Variants in SDF2L1 observed in about 807,000 individuals in gnomAD.
SDF2L1 encodes the protein stromal cell derived factor 2 like 1.
In SDF2L1, 18 loss-of-function variants were observed where a neutral mutation model predicts 19.4. The ratio of observed to expected loss-of-function variants is 0.93; its 90% CI spans 0.64 to 1.38. The LOEUF (loss-of-function observed/expected upper bound fraction) is 1.38. Among genes scored for constraint, SDF2L1 ranks in the 40% most tolerant of loss-of-function variants. The pLI, the probability that SDF2L1 is intolerant of heterozygous loss-of-function variation, is 0.00. For missense variants in SDF2L1, 263 were observed against 319.4 expected (o/e 0.82, Z 1.35); for synonymous variants, 161 against 148.9 (o/e 1.08, Z -0.59).
At position 21,642,518 on chromosome 22, in the gene SDF2L1, G is replaced by T. The variant is rs1294813481; in HGVS notation, c.182G>T (p.Gly61Val). The T allele has an allele frequency of 1.2e-5, 18 of 1,521,484 alleles. No homozygotes were observed. Among genetic ancestry groups the T allele is most frequent in the Non-Finnish European group, 1.5e-5 (17 of 1,139,834 alleles). The allele number at this position is 1,521,484 out of a possible 1,614,324, so 94.2% of individuals were successfully genotyped here. Residue 61 changes from glycine (G) to valine (V), a missense_variant, in exon 1 of 3, where the codon GGA becomes GTA. Gly to Val is a moderately radical substitution (Grantham distance 109, BLOSUM62 -3). This residue lies in a region of SDF2L1 where 203 missense variants were observed against 256.9 expected (regional missense o/e 0.79). Coordinates refer to ENST00000248958, the MANE Select transcript of SDF2L1 (RefSeq NM_022044.3). ...VRLHSHDIKY[G>V]SGSGQQSVTG... is the part of the protein sequence containing the mutation. Reference sequence around the variant, plus strand: ...CTGCACTCGCACGACATCAAATACGGATCCGGTGCGTGGGGCCAGCGACTG... The same window carrying T: ...CTGCACTCGCACGACATCAAATACGTATCCGGTGCGTGGGGCCAGCGACTG...
At position 21,642,316 on chromosome 22, in the gene SDF2L1, G is replaced by A; in HGVS notation, c.-21G>A. On this transcript the variant is annotated 5_prime_UTR_variant, in exon 1 of 3. Coordinates refer to ENST00000248958, the MANE Select transcript of SDF2L1 (RefSeq NM_022044.3). ...ACGGAAGCGGCCCCTGGGCCCGAGG[G>A]GCTGGAGCCGGGCCGGGGCGATGTG... 7.5e-7 allele frequency: 1 copy of A among 1,336,596 alleles called. No individual in the cohort carries two copies. The highest frequency in any genetic ancestry group is 9.5e-7 in the Non-Finnish European group (1 of 1,051,260). The allele number at this position is 1,336,596 out of a possible 1,614,324, so 82.8% of individuals were successfully genotyped here. A position where few individuals can be genotyped will look rare whatever the true frequency, so the allele number is the denominator to read the frequency against.
chr22:21,642,968 G>T lies in SDF2L1; in HGVS notation c.294G>T (p.Val98=). Residue 98 remains valine, a synonymous_variant, in exon 2 of 3, where the codon GTG becomes GTT. Transcript: ENST00000248958. ...SEGGCPRGSP[V]RCGQAVRLTH... ...GCGGGTGCCCGCGCGGGTCCCCGGT[G>T]CGCTGCGGGCAGGCGGTGAGGCTCA... 6.4e-7 allele frequency: 1 copy of T among 1,569,836 alleles called. No individual in the cohort carries two copies. The highest frequency in any genetic ancestry group is 8.6e-7 in the Non-Finnish European group (1 of 1,159,114).
chr22:21,642,841 G>A (rs2066090488), intron 1 of SDF2L1, 21 bp from the exon 2 acceptor site: 1 of 1,581,208 alleles, frequency 6.3e-7, no homozygotes, highest in South Asian at 1.1e-5. Context: ...GACCCTGGGT[G>A]TGTGGGGTGT....
At position 21,644,149 on chromosome 22, in the gene SDF2L1, C is replaced by G. The variant is rs745736110; in HGVS notation, c.640C>G (p.Pro214Ala). ...CATCTTCATCAAGCCTAGTGTGGAG[C>G]CCTCTGCAGGTCACGATGAACTCTG... ...EGIFIKPSVE[P>A]SAGHDEL Residue 214 changes from proline (P) to alanine (A), a missense_variant, in exon 3 of 3, where the codon CCC (proline) becomes GCC (alanine). Physicochemically the swap from Pro to Ala is conservative, Grantham distance 27. Coordinates refer to ENST00000248958, the MANE Select transcript of SDF2L1 (RefSeq NM_022044.3). 6.2e-7 allele frequency: 1 copy of G among 1,614,084 alleles called. No homozygotes were observed. The highest frequency in any genetic ancestry group is 8.5e-7 in the Non-Finnish European group (1 of 1,180,008).
chr22:21,644,007 C>T lies in SDF2L1; in HGVS notation c.498C>T (p.Gly166=). ...CTGCTGTGCGCTTCCAGCATGTGGG[C>T]ACCTCTGTGTTCCTGTCAGTCACGG... ...REAAVRFQHV[G]TSVFLSVTGE... is the part of the protein sequence containing the mutation. The change falls in exon 3 of 3, where the codon GGC becomes GGT. Residue 166 remains glycine, a synonymous_variant. Coordinates refer to ENST00000248958, the MANE Select transcript of SDF2L1 (RefSeq NM_022044.3). The T allele has an allele frequency of 6.2e-7, 1 of 1,614,140 alleles. No individual in the cohort carries two copies. The highest frequency in any genetic ancestry group is 8.5e-7 in the Non-Finnish European group (1 of 1,180,012).
chr22:21,643,952 G>A lies in SDF2L1; in HGVS notation c.443G>A (p.Arg148His), dbSNP rs749416229. 4.0e-5 allele frequency: 65 copies of A among 1,613,956 alleles called. No individual in the cohort carries two copies. Among genetic ancestry groups the A allele is most frequent in the South Asian group, 3.0e-4 (27 of 91,086 alleles). ...GACGACCTGGACCTATGGACAGTGC[G>A]CTGCTCTGGACAGCACTGGGAGCGT... ...EGDDLDLWTV[R>H]CSGQHWEREA... Residue 148 changes from arginine to histidine, a missense_variant, in exon 3 of 3, where the codon CGC (arginine) becomes CAC (histidine). Around this residue, in one of 3 missense-constraint regions of SDF2L1, gnomAD observed 203 missense variants for 256.9 expected, o/e 0.79. Coordinates refer to ENST00000248958, the MANE Select transcript of SDF2L1 (RefSeq NM_022044.3).
chr22:21,642,569 G>T (rs1385203261), intron 1 of SDF2L1, 46 bp downstream of exon 1: 10 of 1,503,680 alleles, frequency 6.7e-6, no homozygotes, highest in Non-Finnish European at 8.8e-6. Flanking sequence ...CCGGGGCTCG[G>T]GGTTGGGAGT....
chr22:21,643,091 C>G lies in SDF2L1; in HGVS notation c.384+33C>G, dbSNP rs753490050. 67 of 1,548,208 alleles carry G rather than the reference C, an allele frequency of 4.3e-5. No individual in the cohort carries two copies. The South Asian group carries it at 6.8e-4, about 16-fold the overall frequency. ...CCTCCCGGAGCCCCCAGAGAGACTC[C>G]TGGCCTGTGTGAGGGGCCAGAGACA... On this transcript the variant is annotated intron_variant, in intron 2 of 2. Coordinates refer to ENST00000248958, the MANE Select transcript of SDF2L1 (RefSeq NM_022044.3).
Position 21,643,934 on chromosome 22 carries a change from T to G in SDF2L1, c.425T>G (p.Leu142Arg). 1.9e-6 allele frequency: 3 copies of G among 1,614,014 alleles called. No homozygotes were observed. The highest frequency in any genetic ancestry group is 2.5e-6 in the Non-Finnish European group (3 of 1,179,980). ...GGGGAAGACGGCGAGGGCGACGACC[T>G]GGACCTATGGACAGTGCGCTGCTCT... ...AFGEDGEGDD[L>R]DLWTVRCSGQ... Residue 142 changes from leucine (L) to arginine (R), a missense_variant, in exon 3 of 3, where the codon CTG (leucine) becomes CGG (arginine). Coordinates refer to ENST00000248958, the MANE Select transcript of SDF2L1 (RefSeq NM_022044.3).
At position 21,642,983 on chromosome 22, in the gene SDF2L1, G is replaced by A. The variant is rs1427747948; in HGVS notation, c.309G>A (p.Ala103=). The A allele has an allele frequency of 6.4e-7, 1 of 1,567,542 alleles. No homozygotes were observed. ...GGTCCCCGGTGCGCTGCGGGCAGGCGGTGAGGCTCACGCATGTGCTTACGG... is the reference window on the plus strand; with the variant it reads ...GGTCCCCGGTGCGCTGCGGGCAGGCAGTGAGGCTCACGCATGTGCTTACGG... ...PRGSPVRCGQ[A]VRLTHVLTGK... Residue 103 remains alanine (A), a synonymous_variant, in exon 2 of 3, where the codon GCG becomes GCA. Coordinates refer to ENST00000248958, the MANE Select transcript of SDF2L1 (RefSeq NM_022044.3).
rs1384213506 is a variant in SDF2L1, at chr22:21,643,067, C to T, written c.384+9C>T. 3.2e-6 allele frequency: 5 copies of T among 1,551,738 alleles called. No homozygotes were observed. Among genetic ancestry groups the T allele is most frequent in the Non-Finnish European group, 4.4e-6 (5 of 1,148,280 alleles). ...CGCTGTCCAACAACCAGGTGAGCCC[C>T]TCCCGGAGCCCCCAGAGAGACTCCT... On this transcript the variant is annotated intron_variant, in intron 2 of 2. Transcript: ENST00000248958.
At position 21,642,473 on chromosome 22, in the gene SDF2L1, A is replaced by G. The variant is rs1164541041; in HGVS notation, c.137A>G (p.Asn46Ser). Residue 46 changes from asparagine (N) to serine (S), a missense_variant, in exon 1 of 3, where the codon AAT becomes AGT. Asn to Ser is a conservative substitution (Grantham distance 46). Around this residue, in one of 3 missense-constraint regions of SDF2L1, gnomAD observed 203 missense variants for 256.9 expected, o/e 0.79. Transcript: ENST00000248958. ...TGCGGGTCGGTGCTGAAGCTGCTCA[A>G]TACGCACCACCGCGTGCGGCTGCAC... Reference protein sequence around the residue: ...VTCGSVLKLLNTHHRVRLHSH... With the variant: ...VTCGSVLKLLSTHHRVRLHSH... 3.3e-6 allele frequency: 5 copies of G among 1,518,102 alleles called. No homozygotes were observed. The highest frequency in any genetic ancestry group is 3.5e-6 in the Non-Finnish European group (4 of 1,138,830). The allele number at this position is 1,518,102 out of a possible 1,614,324, so 94.0% of individuals were successfully genotyped here.
intron 2 of SDF2L1, 31 bp from the exon 3 acceptor site, chr22:21,643,863 A>G: frequency 1.3e-6 from 2 of 1,593,230 alleles, no homozygotes; most frequent in Non-Finnish European, 1.7e-6. Flanking sequence ...TTCTGTGGTG[A>G]CCACTGTCTT....
chr22:21,642,394 G>A lies in SDF2L1; in HGVS notation c.58G>A (p.Ala20Thr). Residue 20 changes from alanine to threonine, a missense_variant, in exon 1 of 3, where the codon GCG becomes ACG. This residue lies in a region of SDF2L1 where 56 missense variants were observed against 45.3 expected (regional missense o/e 1.24). Coordinates refer to ENST00000248958, the MANE Select transcript of SDF2L1 (RefSeq NM_022044.3). ...GCCGGTGCTGTTGGGGCTGCTGCTGGCGCTGTTAGTGCCGGGCGGTGGTGC... is the reference window on the plus strand; with the variant it reads ...GCCGGTGCTGTTGGGGCTGCTGCTGACGCTGTTAGTGCCGGGCGGTGGTGC... Reference protein sequence around the residue: ...AWPVLLGLLLALLVPGGGAAK... With the variant: ...AWPVLLGLLLTLLVPGGGAAK... 4 of 1,448,796 alleles carry A rather than the reference G, an allele frequency of 2.8e-6. No homozygotes were observed. The highest frequency in any genetic ancestry group is 3.6e-6 in the Non-Finnish European group (4 of 1,111,022). The allele number at this position is 1,448,796 out of a possible 1,614,324, so 89.7% of individuals were successfully genotyped here.
At chr22:21,643,229 G>C in intron 2 of SDF2L1, 171 bp downstream of exon 2, 2 of 769,752 alleles carry the variant, frequency 2.6e-6, no homozygotes, top group Non-Finnish European at 4.1e-6. Flanking sequence ...CCAGGATCCT[G>C]CCCTCAGGTG....
At chr22:21,643,197 C>T (rs1317349035) in intron 2 of SDF2L1, 139 bp downstream of exon 2, 13 of 1,078,256 alleles carry the variant, frequency 1.2e-5, no homozygotes, top group South Asian at 1.6e-5. Context: ...AGCGCCCCCT[C>T]GGGGGACACA....
In SDF2L1 at chr22:21,642,876, T is replaced by A. The variant is rs1444309258; in HGVS notation, c.202T>A (p.Ser68Thr). The A allele has an allele frequency of 6.3e-7, 1 of 1,596,890 alleles. No homozygotes were observed. The highest frequency in any genetic ancestry group is 1.7e-5 in the Admixed American group (1 of 57,922). The part of the protein sequence containing the change: ...IKYGSGSGQQ[S>T]VTGVEASDDA... ...TCACTCCTCAGGCAGCGGCCAGCAA[T>A]CGGTGACCGGCGTAGAGGCGTCGGA... Residue 68 changes from serine (S) to threonine (T), a missense_variant, in exon 2 of 3, where the codon TCG becomes ACG. Physicochemically the swap from Ser to Thr is moderately conservative, Grantham distance 58. Transcript: ENST00000248958.
intron 1 of SDF2L1, 66 bp downstream of exon 1, chr22:21,642,589 G>A: frequency 6.7e-7 from 1 of 1,484,728 alleles, no homozygotes; most frequent in Non-Finnish European, 8.9e-7. Flanking sequence ...TGTGGAGACA[G>A]GGTGGTCATG....
intron 2 of SDF2L1, 52 bp downstream of exon 2, chr22:21,643,110 A>T: frequency 6.5e-7 from 1 of 1,535,234 alleles, no homozygotes; most frequent in South Asian, 1.2e-5. Context: ...GTGAGGGGCC[A>T]GAGACAGAGC....
Sources: gnomAD v4.1 joint callset for allele counts on GRCh38, gnomAD v4.1.1 for gene constraint, gnomAD v4.1.1 regional missense constraint, MANE v1.5 for transcripts, NCBI Gene and HGNC (gene_info 2026-07-23, HGNC 2026-07-21) for gene names.